The following PKHD1L1 variants were observed in gnomAD, a reference collection of about 807,000 sequenced individuals.
PKHD1L1 encodes PKHD1 like 1, also known as fibrocystin-L.
A neutral mutation model predicts 462.9 loss-of-function variants in PKHD1L1; 434 were observed. The observed-to-expected ratio is 0.94, with a 90% CI of 0.87 to 1.02. The LOEUF (loss-of-function observed/expected upper bound fraction) is 1.02, where lower values mean the gene tolerates loss of function less well. Ranked by LOEUF, PKHD1L1 falls within the 50% of genes least tolerant of loss-of-function variation. PKHD1L1 has a pLI of 0.00. For synonymous variants in PKHD1L1, 1,781 were observed against 1,750.0 expected, an observed-to-expected ratio of 1.02 and a Z score of -0.44; for missense variants, 5,202 against 5,096.1, an observed-to-expected ratio of 1.02 and a Z score of -0.63.
chr8:109,451,452 G>A (rs1032191480), intron 41 of PKHD1L1, among the ~76,000 whole-genome samples: 1 of 152,068 alleles, frequency 6.6e-6, no homozygotes, highest in African/African-American at 2.4e-5. Context: ...CTAGTATGTA[G>A]CATCACAAAT....
chr8:109,400,461 A>G, intron 13 of PKHD1L1, 117 bp downstream of exon 13: 2 of 1,227,610 alleles, frequency 1.6e-6, no homozygotes, highest in Non-Finnish European at 1.1e-6. Flanking sequence ...AAATGATGTC[A>G]TGTGGTTTGG....
chr8:109,521,252 G>T (rs544631254), intron 73 of PKHD1L1, among the ~76,000 whole-genome samples: 45 of 152,238 alleles, frequency 3.0e-4, no homozygotes, highest in South Asian at 1.0e-3. Flanking sequence ...TTTAATAGAA[G>T]AAACTCAGTG....
At chr8:109,467,803 A>G (rs1817528995) in intron 50 of PKHD1L1, among the ~76,000 whole-genome samples, 1 of 152,166 alleles carries the variant, frequency 6.6e-6, no homozygotes, top group South Asian at 2.1e-4. Flanking sequence ...ATCATCAAAT[A>G]TGGTTTTTTA....
chr8:109,497,244 A>G lies in PKHD1L1; in HGVS notation c.10571A>G (p.Lys3524Arg), dbSNP rs1819142353. The change falls in exon 65 of 78, where the codon AAA becomes AGA. Residue 3524 changes from lysine (K) to arginine (R), a missense_variant. By Grantham distance (26) the Lys-to-Arg change is conservative. Around this residue, in one of 3 missense-constraint regions of PKHD1L1, gnomAD observed 4,497 missense variants for 4,336.8 expected, o/e 1.04. Coordinates refer to ENST00000378402, the MANE Select transcript of PKHD1L1 (RefSeq NM_177531.6). The stretch of plus-strand genomic sequence containing the variant: ...TACATGCCAGCTGCTATATCACACA[A>G]AATTTCCAGTAAAAATGTACAAATT... ...MIYMPAAISH[K>R]ISSKNVQIKS... 6.2e-7 allele frequency: 1 copy of G among 1,613,494 alleles called. No homozygotes were observed. Among genetic ancestry groups the G allele is most frequent in the African/African-American group, 1.3e-5 (1 of 74,888 alleles).
At chr8:109,521,809 T>C (rs1023702755) in intron 73 of PKHD1L1, among the ~76,000 whole-genome samples, 4 of 152,168 alleles carry the variant, frequency 2.6e-5, no homozygotes, top group African/African-American at 9.7e-5. Flanking sequence ...CATTCCAAAA[T>C]TAACACTTTA....
chr8:109,362,509 C>T lies in PKHD1L1; in HGVS notation c.-72C>T. On this transcript the variant is annotated 5_prime_UTR_variant, in exon 1 of 78. Transcript: ENST00000378402. ...AGCGGGCCCGCCAGCGAGTCGCAGT[C>T]CCAGGAGCCGAGCTCCAGCACTAGA... 1 of 1,445,678 alleles carries T rather than the reference C, an allele frequency of 6.9e-7. No homozygotes were observed. 89.6% of individuals were successfully genotyped at this position (1,445,678 alleles called of 1,614,324 possible).
chr8:109,494,714 A>G (rs1489037663), intron 63 of PKHD1L1, among the ~76,000 whole-genome samples: 1 of 152,024 alleles, frequency 6.6e-6, no homozygotes, highest in Non-Finnish European at 1.5e-5. Context: ...TGTATATGGT[A>G]TTTGTATTTA....
At position 109,419,123 on chromosome 8, in the gene PKHD1L1, T is replaced by C. The variant is rs1400220635; in HGVS notation, c.2387T>C (p.Leu796Pro). The C allele has an allele frequency of 6.2e-7, 1 of 1,613,516 alleles. No homozygotes were observed. The highest frequency in any genetic ancestry group is 8.5e-7 in the Non-Finnish European group (1 of 1,179,542). ...NNWTYTCIDL[L>P]DLVRTKYTGT... ...TGGACTTACACTTGCATAGACCTTC[T>C]GGATCTCGTAAGAACGAAATACACT... is the stretch of plus-strand genomic sequence containing the variant. The change falls in exon 22 of 78, where the codon CTG becomes CCG. Residue 796 changes from leucine to proline, a missense_variant. Transcript: ENST00000378402.
At chr8:109,394,170 CAAA>C (rs146708536) in intron 9 of PKHD1L1, among the ~76,000 whole-genome samples, 1,473 of 63,572 alleles carry the variant, frequency 0.023, 12 homozygotes, top group African/African-American at 0.041. Context: ...GAGACTCTGT[CAAA>C]AAAAAAAAAA....
chr8:109,453,842 T>A (rs748488078), intron 43 of PKHD1L1, among the ~76,000 whole-genome samples: 1 of 152,166 alleles, frequency 6.6e-6, no homozygotes, highest in Non-Finnish European at 1.5e-5. Flanking sequence ...TTTGAGGTGC[T>A]GTGTTTGTAC....
chr8:109,396,392 T>C (rs190139569), intron 11 of PKHD1L1, among the ~76,000 whole-genome samples: 6 of 152,302 alleles, frequency 3.9e-5, no homozygotes, highest in Non-Finnish European at 5.9e-5. Flanking sequence ...TGTAGCAGCA[T>C]TGTAGCTGCC....
chr8:109,520,253 A>G (rs995822394), intron 73 of PKHD1L1, among the ~76,000 whole-genome samples: 16 of 152,052 alleles, frequency 1.1e-4, no homozygotes, highest in African/African-American at 3.9e-4. Context: ...CAGGGTTTGG[A>G]CTCAGCATGA....
chr8:109,404,311 C>T (rs1024680211), intron 14 of PKHD1L1, among the ~76,000 whole-genome samples: 1 of 152,024 alleles, frequency 6.6e-6, no homozygotes, highest in Non-Finnish European at 1.5e-5. Context: ...ATTGACTAAG[C>T]TGAATGAATT....
chr8:109,533,908 C>T lies in PKHD1L1; in HGVS notation c.*3818C>T, dbSNP rs1054243448. ...AATATTTTTATACCTCTTCCAGAAC[C>T]CAGAGAGCTCAGCTGAAAGGAGTTT... On this transcript the variant is annotated 3_prime_UTR_variant, in exon 78 of 78. Coordinates refer to ENST00000378402, the MANE Select transcript of PKHD1L1 (RefSeq NM_177531.6). 3.3e-5 allele frequency among the ~76,000 whole-genome samples: 5 copies of T among 152,170 alleles called. No homozygotes were observed. The highest frequency in any genetic ancestry group is 3.3e-4 in the Admixed American group (5 of 15,282).
At chr8:109,412,539 C>T (rs762475379) in intron 20 of PKHD1L1, 125 bp downstream of exon 20, 30 of 988,112 alleles carry the variant, frequency 3.0e-5, no homozygotes, top group African/African-American at 9.8e-5. Flanking sequence ...TAACAGGCAC[C>T]GAAGTGTACA....
chr8:109,484,964 G>A, intron 57 of PKHD1L1, 80 bp from the exon 58 acceptor site: 1 of 1,188,800 alleles, frequency 8.4e-7, no homozygotes, highest in South Asian at 1.8e-5. Flanking sequence ...CATTAAATTT[G>A]AATGATTTAA....
chr8:109,458,733 A>G (rs1816954187), intron 46 of PKHD1L1, among the ~76,000 whole-genome samples: 1 of 152,116 alleles, frequency 6.6e-6, no homozygotes, highest in South Asian at 2.1e-4. Context: ...ATGTTGGGAA[A>G]ACACAGAGGT....
At chr8:109,514,652 T>C (rs1346421137) in intron 71 of PKHD1L1, among the ~76,000 whole-genome samples, 1 of 152,170 alleles carries the variant, frequency 6.6e-6, no homozygotes, top group Non-Finnish European at 1.5e-5. Flanking sequence ...CCAGTCTCTT[T>C]ATGATCATAG....
At chr8:109,383,156 T>A (rs1426393244) in intron 4 of PKHD1L1, among the ~76,000 whole-genome samples, 6 of 55,852 alleles carry the variant, frequency 1.1e-4, no homozygotes, top group Non-Finnish European at 1.6e-4. Flanking sequence ...ATTATATATA[T>A]TTATATATAA....
Sources: gnomAD v4.1 joint callset for allele counts (sites outside exome capture counted in the v4.1 genomes callset) on GRCh38, gnomAD v4.1.1 for gene constraint, gnomAD v4.1.1 regional missense constraint, MANE v1.5 for transcripts, NCBI Gene and HGNC (gene_info 2026-07-23, HGNC 2026-07-21) for gene names.